The following KIAA2013 variants were observed in gnomAD, a reference collection of about 807,000 sequenced individuals.
KIAA2013 encodes KIAA2013.
Under a neutral mutation model 39.9 loss-of-function variants are expected in KIAA2013, and 20 were observed. The ratio of observed to expected loss-of-function variants is 0.50; its 90% CI spans 0.35 to 0.73. The LOEUF is 0.73. Among genes scored for constraint, KIAA2013 ranks in the 30% least tolerant of loss-of-function variants. KIAA2013 has a pLI of 0.01. For synonymous variants in KIAA2013, 336 were observed against 416.6 expected (o/e 0.81, Z 2.35); for missense variants, 587 against 856.1 (o/e 0.69, Z 3.92).
rs964653889 is a variant in KIAA2013, at chr1:11,923,548, C to A, written c.1034-59G>T. On this transcript the variant is annotated intron_variant, in intron 1 of 2. Transcript: ENST00000376572. The surrounding 1 kb of genome is among the most constrained non-coding windows in gnomAD (Gnocchi z 4.6). ...AAGGACAGCTGGGAGGCAGAGCATACGAAATAAAGACCAAGGGCAGCAGAA... is the reference window on the plus strand; with the variant it reads ...AAGGACAGCTGGGAGGCAGAGCATAAGAAATAAAGACCAAGGGCAGCAGAA... 7 of 1,560,438 alleles carry A rather than the reference C, an allele frequency of 4.5e-6. No individual in the cohort carries two copies. Among genetic ancestry groups the A allele is most frequent in the Non-Finnish European group, 6.1e-6 (7 of 1,151,224 alleles).
Position 11,920,076 on chromosome 1 carries a change from G to T in KIAA2013, c.*239C>A. The T allele has an allele frequency of 3.4e-6, 2 of 585,334 alleles. No individual in the cohort carries two copies. Among genetic ancestry groups the T allele is most frequent in the Non-Finnish European group, 6.1e-6 (2 of 328,266 alleles). The allele number at this position is 585,334 out of a possible 1,614,324, so 36.3% of individuals were successfully genotyped here. ...TTCCATTTCAAGTATTTGCCATACAGGTTCATTTTATTGAGTGGAAAGCTT... is the reference window on the plus strand; with the variant it reads ...TTCCATTTCAAGTATTTGCCATACATGTTCATTTTATTGAGTGGAAAGCTT... On this transcript the variant is annotated 3_prime_UTR_variant, in exon 3 of 3. Coordinates refer to ENST00000376572, the MANE Select transcript of KIAA2013 (RefSeq NM_138346.3).
At chr1:11,924,655 ATTTTC>A (rs1426388590) in intron 1 of KIAA2013, among the ~76,000 whole-genome samples, 1 of 152,022 alleles carries the variant, frequency 6.6e-6, no homozygotes, top group Non-Finnish European at 1.5e-5. Flanking sequence ...CCAGAACAGG[ATTTTC>A]TTTTCTTTAA....
intron 2 of KIAA2013, among the ~76,000 whole-genome samples, chr1:11,921,491 C>T (rs1459835707): frequency 6.6e-6 from 1 of 152,114 alleles, no homozygotes; most frequent in Non-Finnish European, 1.5e-5. Flanking sequence ...ACAGAGGCTT[C>T]AAGTCAATCT....
Position 11,922,670 on chromosome 1 carries a change from C to T in KIAA2013, c.1853G>A (p.Cys618Tyr), listed in dbSNP as rs1332943779. 6.2e-7 allele frequency: 1 copy of T among 1,613,590 alleles called. No individual in the cohort carries two copies. Among genetic ancestry groups the T allele is most frequent in the Non-Finnish European group, 8.5e-7 (1 of 1,179,838 alleles). Reference protein sequence around the residue: ...FLFKLIYNEYCGPGAKPLFRS... With the variant: ...FLFKLIYNEYYGPGAKPLFRS... ...GAAGAGGGGCTTGGCTCCAGGCCCA[C>T]AGTACTCGTTGTAGATGAGCTTGAA... The change falls in exon 2 of 3, where the codon TGT (cysteine) becomes TAT (tyrosine). Residue 618 changes from cysteine (C) to tyrosine (Y), a missense_variant. Coordinates refer to ENST00000376572, the MANE Select transcript of KIAA2013 (RefSeq NM_138346.3).
rs1198260251 is a variant in KIAA2013 at position 11,926,068 on chromosome 1, G to A, written c.170C>T (p.Pro57Leu). Residue 57 changes from proline to leucine, a missense_variant, in exon 1 of 3, where the codon CCG becomes CTG. Transcript: ENST00000376572. ...GCAGGCAGACGGCTCGGCGGCGCCCGGCTCACCGCGGGACCAGGGCAGCAG... is the reference window on the plus strand; with the variant it reads ...GCAGGCAGACGGCTCGGCGGCGCCCAGCTCACCGCGGGACCAGGGCAGCAG... ...LHLLPWSRGE[P>L]GAAEPSACLE... 6.9e-7 allele frequency: 1 copy of A among 1,455,020 alleles called. No homozygotes were observed. The highest frequency in any genetic ancestry group is 1.4e-5 in the South Asian group (1 of 73,794). 90.1% of individuals were successfully genotyped at this position (1,455,020 alleles called of 1,614,324 possible).
Position 11,926,184 on chromosome 1 carries a change from C to A in KIAA2013, c.54G>T (p.Trp18Cys). 1 of 1,381,806 alleles carries A rather than the reference C, an allele frequency of 7.2e-7. No individual in the cohort carries two copies. Among genetic ancestry groups the A allele is most frequent in the Non-Finnish European group, 9.4e-7 (1 of 1,059,258 alleles). The allele number at this position is 1,381,806 out of a possible 1,614,324, so 85.6% of individuals were successfully genotyped here. A position where few individuals can be genotyped will look rare whatever the true frequency, so the allele number is the denominator to read the frequency against. ...KGLPGLLSSSWARRLLCLLGL... is the reference protein window; with the variant it reads ...KGLPGLLSSSCARRLLCLLGL... Reference sequence around the variant, plus strand: ...CAAGCAGGCAGAGGAGGCGGCGGGCCCAGCTGCTCGACAGCAGTCCCGGCA... The same window carrying A: ...CAAGCAGGCAGAGGAGGCGGCGGGCACAGCTGCTCGACAGCAGTCCCGGCA... Residue 18 changes from tryptophan to cysteine, a missense_variant, in exon 1 of 3, where the codon TGG becomes TGT. Trp to Cys is a radical substitution (Grantham distance 215). Transcript: ENST00000376572.
In KIAA2013 at chr1:11,925,703, C is replaced by T; in HGVS notation, c.535G>A (p.Ala179Thr). Reference sequence around the variant, plus strand: ...AGCACGCAGTCGCGGCCGGACCCCGCGGCAAGGCCAGAGACGGAGGCGGGC... The same window carrying T: ...AGCACGCAGTCGCGGCCGGACCCCGTGGCAAGGCCAGAGACGGAGGCGGGC... ...PGPASVSGLA[A>T]GSGRDCVLLQ... Residue 179 changes from alanine to threonine, a missense_variant, in exon 1 of 3, where the codon GCG becomes ACG. Coordinates refer to ENST00000376572, the MANE Select transcript of KIAA2013 (RefSeq NM_138346.3). The surrounding 1 kb of genome is among the most constrained non-coding windows in gnomAD (Gnocchi z 5.2). 6.3e-7 allele frequency: 1 copy of T among 1,587,878 alleles called. No individual in the cohort carries two copies. Among genetic ancestry groups the T allele is most frequent in the South Asian group, 1.1e-5 (1 of 88,264 alleles).
rs779399161 is a variant in KIAA2013, at chr1:11,923,576, G to A, written c.1034-87C>T. On this transcript the variant is annotated intron_variant, in intron 1 of 2. Transcript: ENST00000376572. The surrounding 1 kb of genome is among the most constrained non-coding windows in gnomAD (Gnocchi z 4.6). Reference sequence around the variant, plus strand: ...AATAAAGACCAAGGGCAGCAGAAGAGTGAGGTGTTGTGCCTTAATGATAAA... The same window carrying A: ...AATAAAGACCAAGGGCAGCAGAAGAATGAGGTGTTGTGCCTTAATGATAAA... The A allele has an allele frequency of 3.5e-4, 460 of 1,333,022 alleles. 1 individual carries two copies. Among genetic ancestry groups the A allele is most frequent in the Non-Finnish European group, 4.3e-4 (416 of 956,626 alleles). 82.6% of individuals were successfully genotyped at this position (1,333,022 alleles called of 1,614,324 possible).
chr1:11,925,691 G>T lies in KIAA2013; in HGVS notation c.547C>A (p.Arg183Ser). Residue 183 changes from arginine to serine, a missense_variant, in exon 1 of 3, where the codon CGC (arginine) becomes AGC (serine). Coordinates refer to ENST00000376572, the MANE Select transcript of KIAA2013 (RefSeq NM_138346.3). This position sits in a 1 kb window ranked among gnomAD's most constrained non-coding sequence, Gnocchi z 5.2. ...SVSGLAAGSGRDCVLLQEDFL... is the reference protein window; with the variant it reads ...SVSGLAAGSGSDCVLLQEDFL... Reference sequence around the variant, plus strand: ...TCCTCTTGCAGCAGCACGCAGTCGCGGCCGGACCCCGCGGCAAGGCCAGAG... The same window carrying T: ...TCCTCTTGCAGCAGCACGCAGTCGCTGCCGGACCCCGCGGCAAGGCCAGAG... 6.3e-7 allele frequency: 1 copy of T among 1,595,216 alleles called. No homozygotes were observed. The highest frequency in any genetic ancestry group is 2.3e-5 in the East Asian group (1 of 44,312).
intron 1 of KIAA2013, among the ~76,000 whole-genome samples, chr1:11,924,820 C>T (rs1645495932): frequency 6.6e-6 from 1 of 152,178 alleles, no homozygotes; most frequent in African/African-American, 2.4e-5. Flanking sequence ...ACGTCTGTCA[C>T]CAGGCCGACT....
In KIAA2013 at chr1:11,922,626, G is replaced by C. The variant is rs538182951; in HGVS notation, c.1887+10C>G. 4 of 1,612,566 alleles carry C rather than the reference G, an allele frequency of 2.5e-6. No homozygotes were observed. The East Asian group carries it at 8.9e-5, about 36-fold the overall frequency. On this transcript the variant is annotated intron_variant, in intron 2 of 2. Coordinates refer to ENST00000376572, the MANE Select transcript of KIAA2013 (RefSeq NM_138346.3). ...AGGCCTCGGGTTTCGACCAGATGGC[G>C]GCTTCCTACCTTACTCCTGAAGAGG...
At chr1:11,921,661 T>TG (rs1274629522) in intron 2 of KIAA2013, among the ~76,000 whole-genome samples, 1 of 152,076 alleles carries the variant, frequency 6.6e-6, no homozygotes, top group Non-Finnish European at 1.5e-5. Context: ...GCAATTCTCC[T>TG]GCCTCAGCCT....
chr1:11,923,176 G>T lies in KIAA2013; in HGVS notation c.1347C>A (p.Gly449=), dbSNP rs887800047. ...AGCTGAGCACCATCCCCTGCAGGAT[G>T]CCTGGGGCACCCACCTTCACCAGCC... ...CKGLVKVGAP[G]ILQGMVLSFG... The change falls in exon 2 of 3, where the codon GGC becomes GGA. Residue 449 remains glycine (G), a synonymous_variant. Transcript: ENST00000376572. This position sits in a 1 kb window ranked among gnomAD's most constrained non-coding sequence, Gnocchi z 4.6. 1.1e-5 allele frequency: 17 copies of T among 1,613,486 alleles called. No individual in the cohort carries two copies. The African/African-American group carries it at 2.1e-4, about 20-fold the overall frequency.
chr1:11,924,415 CTTATT>C (rs926235935), intron 1 of KIAA2013, among the ~76,000 whole-genome samples: 2 of 151,896 alleles, frequency 1.3e-5, no homozygotes, highest in Non-Finnish European at 1.5e-5. Flanking sequence ...AAAAAGATGC[CTTATT>C]TTAATTTTAA....
chr1:11,921,675 G>A (rs1308692946), intron 2 of KIAA2013, among the ~76,000 whole-genome samples: 6 of 151,348 alleles, frequency 4.0e-5, no homozygotes, highest in African/African-American at 1.5e-4. Context: ...TCAGCCTCCC[G>A]AGTAGCTGGA....
chr1:11,921,549 ATTTATTT>A (rs1645474402), intron 2 of KIAA2013, among the ~76,000 whole-genome samples: 2 of 150,964 alleles, frequency 1.3e-5, no homozygotes, highest in Admixed American at 6.6e-5. Context: ...ATTATTTATT[ATTTATTT>A]TTTATTTTTT....
rs1156686638 is a variant in KIAA2013 at position 11,925,752 on chromosome 1, A to G, written c.486T>C (p.Pro162=). 2.6e-6 allele frequency: 4 copies of G among 1,545,752 alleles called. No homozygotes were observed. The highest frequency in any genetic ancestry group is 3.5e-6 in the Non-Finnish European group (4 of 1,153,622). Reference sequence around the variant, plus strand: ...GCCCGGGGCCGGCGGCCACGGGGCCAGGACCTGGGGACCCCAGCTGCAGGC... The same window carrying G: ...GCCCGGGGCCGGCGGCCACGGGGCCGGGACCTGGGGACCCCAGCTGCAGGC... ...VRCLQLGSPG[P]GPVAAGPGPA... is the part of the protein sequence containing the mutation. Residue 162 remains proline (P), a synonymous_variant, in exon 1 of 3, where the codon CCT becomes CCC. Transcript: ENST00000376572. The surrounding 1 kb of genome is among the most constrained non-coding windows in gnomAD (Gnocchi z 5.2).
chr1:11,922,308 G>T, intron 2 of KIAA2013: 1 of 1,362,746 alleles, frequency 7.3e-7, no homozygotes. Context: ...TCCCATCTCA[G>T]CCTCCCAAGT....
chr1:11,920,676 G>A (rs1352325992), intron 2 of KIAA2013, among the ~76,000 whole-genome samples: 1 of 152,230 alleles, frequency 6.6e-6, no homozygotes, highest in South Asian at 2.1e-4. Context: ...CTGCCAAACA[G>A]ACGGCAAAAC....
Sources: gnomAD v4.1 joint callset for allele counts (sites outside exome capture counted in the v4.1 genomes callset) on GRCh38, gnomAD v4.1.1 for gene constraint, Gnocchi (gnomAD v3.1) non-coding constraint, MANE v1.5 for transcripts, NCBI Gene and HGNC (gene_info 2026-07-23, HGNC 2026-07-21) for gene names.